Variants in CHCHD6 observed in about 807,000 individuals in gnomAD.
CHCHD6 encodes coiled-coil-helix-coiled-coil-helix domain containing 6.
Under a neutral mutation model 32.3 loss-of-function variants are expected in CHCHD6, and 28 were observed. The observed-to-expected ratio is 0.87, with a 90% CI of 0.64 to 1.19. CHCHD6 has a LOEUF of 1.19. CHCHD6 is among the 50% of genes most tolerant of loss of function. The probability of loss-of-function intolerance (pLI) is 0.00; values close to 1 mark genes in which losing one functional copy is unlikely to be tolerated. For synonymous variants in CHCHD6, 122 were observed against 117.5 expected (o/e 1.04, Z -0.25); for missense variants, 333 against 307.0 (o/e 1.08, Z -0.63).
At chr3:126,883,708 C>T (rs2077642381) in intron 5 of CHCHD6, among the ~76,000 whole-genome samples, 2 of 152,222 alleles carry the variant, frequency 1.3e-5, no homozygotes, top group South Asian at 4.1e-4. Context: ...TACAGGGTGT[C>T]ACACAGCCCC....
intron 4 of CHCHD6, among the ~76,000 whole-genome samples, chr3:126,784,028 G>A (rs988960679): frequency 5.9e-5 from 9 of 152,072 alleles, no homozygotes; most frequent in African/African-American, 1.7e-4. Context: ...TCATTTTTCT[G>A]TTGACCTCTC....
intron 5 of CHCHD6, among the ~76,000 whole-genome samples, chr3:126,885,508 C>T (rs2107575231): frequency 6.6e-6 from 1 of 152,256 alleles, no homozygotes; most frequent in South Asian, 2.1e-4. Context: ...ACATGCATTT[C>T]AAAATCAGTT....
At chr3:126,954,960 G>A (rs774733149) in intron 6 of CHCHD6, among the ~76,000 whole-genome samples, 47 of 152,236 alleles carry the variant, frequency 3.1e-4, no homozygotes, top group Non-Finnish European at 6.0e-4. Context: ...GAGACTCAGG[G>A]AGCAGAACAG....
At chr3:126,871,847 A>G (rs1294059744) in intron 5 of CHCHD6, among the ~76,000 whole-genome samples, 1 of 151,674 alleles carries the variant, frequency 6.6e-6, no homozygotes, top group Non-Finnish European at 1.5e-5. Flanking sequence ...TTGTATTTTT[A>G]GCAGAGACGG....
chr3:126,748,397 C>T (rs544875854), intron 4 of CHCHD6, among the ~76,000 whole-genome samples: 29 of 152,256 alleles, frequency 1.9e-4, no homozygotes, highest in Admixed American at 1.7e-3. Context: ...GAATTCGAGA[C>T]CAGCCTGGGC....
intron 3 of CHCHD6, among the ~76,000 whole-genome samples, chr3:126,732,243 C>A (rs941030617): frequency 6.6e-6 from 1 of 152,156 alleles, no homozygotes; most frequent in African/African-American, 2.4e-5. Context: ...CATCTCAAGA[C>A]AACCACTGTT....
At chr3:126,955,670 G>T (rs192028780) in intron 6 of CHCHD6, among the ~76,000 whole-genome samples, 1 of 152,308 alleles carries the variant, frequency 6.6e-6, no homozygotes, top group Non-Finnish European at 1.5e-5. Flanking sequence ...TTTTGTTCAT[G>T]CCCTGGGGAT....
intron 4 of CHCHD6, among the ~76,000 whole-genome samples, chr3:126,777,574 T>A (rs921999848): frequency 1.3e-5 from 2 of 151,822 alleles, no homozygotes; most frequent in African/African-American, 4.8e-5. Flanking sequence ...GCACCTCTTC[T>A]GCTTAGATAA....
At chr3:126,714,560 G>A (rs1934919869) in intron 1 of CHCHD6, among the ~76,000 whole-genome samples, 1 of 152,246 alleles carries the variant, frequency 6.6e-6, no homozygotes, top group South Asian at 2.1e-4. Flanking sequence ...TGGGGTGTCG[G>A]GCATCGGGGT....
chr3:126,863,563 TCCA>T (rs1942062031), intron 5 of CHCHD6, among the ~76,000 whole-genome samples: 1 of 111,086 alleles, frequency 9.0e-6, no homozygotes, highest in Non-Finnish European at 1.8e-5. Context: ...CACCTCCTCC[TCCA>T]CCATCACCAC....
At chr3:126,823,875 A>C (rs911161422) in intron 4 of CHCHD6, among the ~76,000 whole-genome samples, 3 of 151,620 alleles carry the variant, frequency 2.0e-5, no homozygotes, top group Admixed American at 2.0e-4. Context: ...GCAACACCCT[A>C]TCTCTACAAA....
chr3:126,899,529 A>G (rs2077891457), intron 5 of CHCHD6, among the ~76,000 whole-genome samples: 2 of 152,250 alleles, frequency 1.3e-5, no homozygotes, highest in Non-Finnish European at 2.9e-5. Flanking sequence ...TGCCAATTCT[A>G]ATGTGTTCTC....
rs1559793655 is a variant in CHCHD6 at position 126,704,298 on chromosome 3, C to T, written c.-15C>T. 1.9e-6 allele frequency: 3 copies of T among 1,600,762 alleles called. No homozygotes were observed. The Admixed American group carries it at 5.0e-5, about 27-fold the overall frequency. On this transcript the variant is annotated 5_prime_UTR_variant, in exon 1 of 8. Coordinates refer to ENST00000290913, the MANE Select transcript of CHCHD6 (RefSeq NM_032343.3). ...GTCTCGGGTCTGGTGGCTGCCGGCCCTGCGGCATCTCGCCATGGGGAGCAC... is the reference window on the plus strand; with the variant it reads ...GTCTCGGGTCTGGTGGCTGCCGGCCTTGCGGCATCTCGCCATGGGGAGCAC...
At chr3:126,747,345 A>G (rs1281124786) in intron 4 of CHCHD6, among the ~76,000 whole-genome samples, 1 of 152,168 alleles carries the variant, frequency 6.6e-6, no homozygotes, top group Admixed American at 6.5e-5. Context: ...GGATATCTCC[A>G]TACACGTTCG....
intron 5 of CHCHD6, among the ~76,000 whole-genome samples, chr3:126,861,092 G>A (rs887834441): frequency 7.2e-5 from 11 of 152,088 alleles, no homozygotes; most frequent in East Asian, 3.8e-4. Context: ...TTGCATTTCC[G>A]TTTATGTAAT....
At chr3:126,767,336 A>G in intron 4 of CHCHD6, 1 of 916,626 alleles carries the variant, frequency 1.1e-6, no homozygotes, top group Non-Finnish European at 1.8e-6. Context: ...CATCAAGGCC[A>G]AGGTGTAGTT....
intron 4 of CHCHD6, among the ~76,000 whole-genome samples, chr3:126,751,655 T>C (rs1006873057): frequency 6.6e-6 from 1 of 152,132 alleles, no homozygotes; most frequent in Non-Finnish European, 1.5e-5. Context: ...TTTTTATTTA[T>C]TCTTCTTTTG....
chr3:126,774,548 C>G (rs958769543), intron 4 of CHCHD6, among the ~76,000 whole-genome samples: 15 of 152,188 alleles, frequency 9.9e-5, no homozygotes, highest in Non-Finnish European at 1.5e-4. Flanking sequence ...TTCTCTGATA[C>G]CACCCTGGCT....
At chr3:126,847,877 C>G (rs1321031533) in intron 4 of CHCHD6, among the ~76,000 whole-genome samples, 1 of 152,138 alleles carries the variant, frequency 6.6e-6, no homozygotes, top group Non-Finnish European at 1.5e-5. Context: ...ACCCCCTTGT[C>G]CTCTCCAGTC....
Sources: allele counts gnomAD v4.1 joint callset (sites outside exome capture counted in the v4.1 genomes callset), GRCh38; gene constraint gnomAD v4.1.1; transcripts MANE v1.5; gene names NCBI Gene and HGNC (gene_info 2026-07-23, HGNC 2026-07-21).